The following CRYBG3 variants were observed in gnomAD, a reference collection of about 807,000 sequenced individuals.
CRYBG3 encodes very large A-kinase anchor protein.
Under a neutral mutation model 244.2 loss-of-function variants are expected in CRYBG3, and 127 were observed. That is an observed-to-expected ratio of 0.52 (90% CI 0.45 to 0.60). The LOEUF is 0.60. CRYBG3 is among the 20% of genes least tolerant of loss of function. The probability of loss-of-function intolerance (pLI) is 0.00; values close to 1 mark genes in which losing one functional copy is unlikely to be tolerated. For synonymous variants in CRYBG3, 1,132 were observed against 1,195.8 expected (o/e 0.95, Z 1.10); for missense variants, 3,325 against 3,442.5 (o/e 0.97, Z 0.85).
chr3:97,927,260 GC>G (rs1242751814), intron 17 of CRYBG3, among the ~76,000 whole-genome samples: 1 of 151,924 alleles, frequency 6.6e-6, no homozygotes, highest in Non-Finnish European at 1.5e-5. Flanking sequence ...CAGAAATAAA[GC>G]CTCACACCTA....
chr3:97,941,068 C>T, intron 19 of CRYBG3, 80 bp from the exon 20 acceptor site: 1 of 1,187,464 alleles, frequency 8.4e-7, no homozygotes, highest in South Asian at 1.5e-5. Context: ...TCTCACTTTC[C>T]CTCCCAGCTT....
At chr3:97,922,429 A>G (rs1267334219) in intron 17 of CRYBG3, among the ~76,000 whole-genome samples, 1 of 152,222 alleles carries the variant, frequency 6.6e-6, no homozygotes, top group Non-Finnish European at 1.5e-5. Flanking sequence ...AAATTTTTGC[A>G]ATCTACCTAT....
intron 1 of CRYBG3, among the ~76,000 whole-genome samples, chr3:97,829,042 T>C (rs1265293603): frequency 1.3e-5 from 2 of 151,930 alleles, no homozygotes; most frequent in African/African-American, 4.8e-5. Context: ...TTTGTACACT[T>C]AAAAATTATG....
At chr3:97,899,337 TA>T in intron 14 of CRYBG3, 74 bp downstream of exon 14, 1 of 1,488,002 alleles carries the variant, frequency 6.7e-7, no homozygotes, top group Non-Finnish European at 9.1e-7. Context: ...AAACACTTTT[TA>T]AAAGTGGAGT....
chr3:97,878,046 T>A lies in CRYBG3; in HGVS notation c.6843+9T>A. 1 of 1,583,620 alleles carries A rather than the reference T, an allele frequency of 6.3e-7. No individual in the cohort carries two copies. Among genetic ancestry groups the A allele is most frequent in the Non-Finnish European group, 8.6e-7 (1 of 1,168,506 alleles). The stretch of plus-strand genomic sequence containing the variant: ...TGAGCCCATTTATAGAGGTAAGTTA[T>A]TTTGTTTATTGTATTAATAATAGTT... On this transcript the variant is annotated intron_variant, in intron 4 of 21. Coordinates refer to ENST00000389622, the MANE Select transcript of CRYBG3 (RefSeq NM_153605.4).
At chr3:97,878,076 A>ATAC in intron 4 of CRYBG3, 39 bp downstream of exon 4, 1 of 1,511,450 alleles carries the variant, frequency 6.6e-7, no homozygotes, top group African/African-American at 1.4e-5. Flanking sequence ...ATAGTTATTA[A>ATAC]AGCTTTGGGT....
intron 18 of CRYBG3, among the ~76,000 whole-genome samples, chr3:97,934,517 A>G (rs1353040042): frequency 6.6e-6 from 1 of 151,448 alleles, no homozygotes; most frequent in Non-Finnish European, 1.5e-5. Flanking sequence ...CTAAAAAAAC[A>G]CACATAGCTC....
At chr3:97,829,479 T>C (rs76544272) in intron 1 of CRYBG3, among the ~76,000 whole-genome samples, 6 of 152,028 alleles carry the variant, frequency 3.9e-5, no homozygotes, top group African/African-American at 1.5e-4. Context: ...ATCAAGGGAG[T>C]TGGTTTTCAT....
At chr3:97,934,741 TTGA>T (rs2040140688) in intron 18 of CRYBG3, among the ~76,000 whole-genome samples, 1 of 152,124 alleles carries the variant, frequency 6.6e-6, no homozygotes, top group Admixed American at 6.6e-5. Flanking sequence ...TTTAAATGGT[TTGA>T]TGTTTATTCA....
chr3:97,887,095 T>A (rs2039516998), intron 8 of CRYBG3, among the ~76,000 whole-genome samples: 1 of 152,234 alleles, frequency 6.6e-6, no homozygotes, highest in African/African-American at 2.4e-5. Flanking sequence ...GTTCTGATAG[T>A]CACTGACTGC....
intron 1 of CRYBG3, among the ~76,000 whole-genome samples, chr3:97,839,972 T>C (rs1301666024): frequency 1.3e-5 from 2 of 152,108 alleles, no homozygotes; most frequent in African/African-American, 2.4e-5. Flanking sequence ...TGGGATCTTC[T>C]GAATTAATAA....
rs775372642 is a variant in CRYBG3, at chr3:97,872,510, G to T, written c.1316G>T (p.Cys439Phe). 2 of 1,535,946 alleles carry T rather than the reference G, an allele frequency of 1.3e-6. No individual in the cohort carries two copies. The highest frequency in any genetic ancestry group is 1.7e-6 in the Non-Finnish European group (2 of 1,146,794). The change falls in exon 4 of 22, where the codon TGT becomes TTT. Residue 439 changes from cysteine to phenylalanine, a missense_variant. Cys to Phe is a radical substitution (Grantham distance 205). Coordinates refer to ENST00000389622, the MANE Select transcript of CRYBG3 (RefSeq NM_153605.4). ...PQGPAISDFSCSKSDGSDTTE... is the reference protein window; with the variant it reads ...PQGPAISDFSFSKSDGSDTTE... ...GGCCCTGCTATTTCTGATTTCTCTTGTAGTAAATCTGATGGGAGTGACACT... is the reference window on the plus strand; with the variant it reads ...GGCCCTGCTATTTCTGATTTCTCTTTTAGTAAATCTGATGGGAGTGACACT...
At chr3:97,884,571 G>A (rs1235544420) in intron 7 of CRYBG3, among the ~76,000 whole-genome samples, 2 of 152,048 alleles carry the variant, frequency 1.3e-5, no homozygotes. Context: ...GCAGGACTAC[G>A]AAAGTATACA....
intron 10 of CRYBG3, among the ~76,000 whole-genome samples, chr3:97,890,486 A>G (rs527547892): frequency 1.4e-4 from 22 of 152,260 alleles, no homozygotes; most frequent in Admixed American, 2.6e-4. Flanking sequence ...GGTAATCACA[A>G]TTTATAAGTT....
intron 2 of CRYBG3, among the ~76,000 whole-genome samples, chr3:97,851,484 T>C (rs2038985122): frequency 6.6e-6 from 1 of 152,164 alleles, no homozygotes; most frequent in African/African-American, 2.4e-5. Flanking sequence ...TGGAAGAACG[T>C]AAATGTAATT....
At chr3:97,905,176 C>T (rs2039756883) in intron 15 of CRYBG3, among the ~76,000 whole-genome samples, 1 of 151,954 alleles carries the variant, frequency 6.6e-6, no homozygotes, top group African/African-American at 2.4e-5. Context: ...CAAGTCTTTG[C>T]TATTGTGAAT....
In CRYBG3 at chr3:97,877,028, C is replaced by G; in HGVS notation, c.5834C>G (p.Pro1945Arg). 6.3e-7 allele frequency: 1 copy of G among 1,576,586 alleles called. No individual in the cohort carries two copies. Among genetic ancestry groups the G allele is most frequent in the East Asian group, 2.2e-5 (1 of 44,554 alleles). ...PTLSKDYEGY[P>R]APAMPDFQPG... is the part of the protein sequence containing the mutation. Reference sequence around the variant, plus strand: ...TTAAGTAAGGATTATGAGGGCTACCCAGCCCCAGCAATGCCAGATTTTCAA... The same window carrying G: ...TTAAGTAAGGATTATGAGGGCTACCGAGCCCCAGCAATGCCAGATTTTCAA... Residue 1945 changes from proline (P) to arginine (R), a missense_variant, in exon 4 of 22, where the codon CCA becomes CGA. This residue lies in a region of CRYBG3 where 450 missense variants were observed against 424.1 expected (regional missense o/e 1.06). Transcript: ENST00000389622.
At chr3:97,919,965 T>C (rs2039966568) in intron 17 of CRYBG3, among the ~76,000 whole-genome samples, 1 of 152,074 alleles carries the variant, frequency 6.6e-6, no homozygotes, top group African/African-American at 2.4e-5. Context: ...AGATGGGGTT[T>C]CACCGTGTTG....
intron 21 of CRYBG3, chr3:97,942,999 C>T (rs561734787): frequency 2.1e-6 from 1 of 470,516 alleles, no homozygotes; most frequent in African/African-American, 2.1e-5. Flanking sequence ...GCCACTTATA[C>T]AATCATGTAT....
Sources: gnomAD v4.1 joint callset for allele counts (sites outside exome capture counted in the v4.1 genomes callset) on GRCh38, gnomAD v4.1.1 for gene constraint, gnomAD v4.1.1 regional missense constraint, MANE v1.5 for transcripts, NCBI Gene and HGNC (gene_info 2026-07-23, HGNC 2026-07-21) for gene names.